Variants in CDH12 observed in about 807,000 individuals in gnomAD.
CDH12 encodes the protein cadherin-12.
Under a neutral mutation model 74.1 loss-of-function variants are expected in CDH12, and 41 were observed. That is an observed-to-expected ratio of 0.55 (90% CI 0.43 to 0.72). The LOEUF is 0.72. CDH12 is among the 30% of genes least tolerant of loss of function. The pLI, the probability that CDH12 is intolerant of heterozygous loss-of-function variation, is 0.00. For missense variants in CDH12, 945 were observed against 977.2 expected, an observed-to-expected ratio of 0.97 and a Z score of 0.44; for synonymous variants, 399 against 355.0, an observed-to-expected ratio of 1.12 and a Z score of -1.39.
At position 22,142,326 on chromosome 5, in the gene CDH12, C is replaced by A. The variant is rs185244323; in HGVS notation, c.-186-63464G>T. ...TATGAAGTAGAGGAAGGGGTACTGGCCTCATTGTCTAGGGAGGAACTGCTA... is the reference window on the plus strand; with the variant it reads ...TATGAAGTAGAGGAAGGGGTACTGGACTCATTGTCTAGGGAGGAACTGCTA... On this transcript the variant is annotated intron_variant, in intron 4 of 14. Transcript: ENST00000382254. The A allele has an allele frequency of 1.2e-3, 420 of 357,492 alleles. 4 individuals are homozygous for A. Among genetic ancestry groups the A allele is most frequent in the African/African-American group, 8.8e-3 (401 of 45,828 alleles). The allele number at this position is 357,492 out of a possible 1,614,324, so 22.1% of individuals were successfully genotyped here.
intron 1 of CDH12, among the ~76,000 whole-genome samples, chr5:22,659,703 A>G (rs944198638): frequency 6.6e-6 from 1 of 152,108 alleles, no homozygotes; most frequent in Non-Finnish European, 1.5e-5. Context: ...ACATACACAC[A>G]TATACATATA....
chr5:22,565,444 C>T (rs1739242340), intron 1 of CDH12, among the ~76,000 whole-genome samples: 1 of 152,144 alleles, frequency 6.6e-6, no homozygotes, highest in African/African-American at 2.4e-5. Flanking sequence ...ACTGAACTCT[C>T]TCTATATTTA....
Position 22,117,478 on chromosome 5 carries a change from T to TTATA in CDH12, c.-186-38620_-186-38617dup, listed in dbSNP as rs375412033. Among the ~76,000 whole-genome samples, 9 of 68,286 alleles carry TTATA rather than the reference T, an allele frequency of 1.3e-4. No homozygotes were observed. In the South Asian group the frequency reaches 1.7e-3, roughly 13 times the overall value. 44.8% of individuals were successfully genotyped at this position (68,286 alleles called of 152,430 possible). A position where few individuals can be genotyped will look rare whatever the true frequency, so the allele number is the denominator to read the frequency against. On this transcript the variant is annotated intron_variant, in intron 4 of 14. Coordinates refer to ENST00000382254, the MANE Select transcript of CDH12 (RefSeq NM_004061.5). ...ATATATTATATATATAATATATATATTATATATATATTATATATATATAAT... is the reference window on the plus strand; with the variant it reads ...ATATATTATATATATAATATATATATTATATATATATATATTATATATATATAAT...
rs1258742678 is a variant in CDH12 at position 22,809,102 on chromosome 5, T to C, written c.-523+43956A>G. Among the ~76,000 whole-genome samples the C allele has an allele frequency of 2.0e-5, 3 of 151,508 alleles. No individual in the cohort carries two copies. The East Asian group carries it at 5.8e-4, about 29-fold the overall frequency. ...TCGTTGAAGGCAAAAAAAAAAACTG[T>C]GTAATAAAATTAATTCTGATGAGCC... is the stretch of plus-strand genomic sequence containing the variant. On this transcript the variant is annotated intron_variant, in intron 1 of 14. Transcript: ENST00000382254.
intron 6 of CDH12, among the ~76,000 whole-genome samples, chr5:21,952,057 C>G (rs1163534260): frequency 2.0e-5 from 3 of 152,190 alleles, no homozygotes; most frequent in African/African-American, 7.2e-5. Context: ...ACTGTATCTT[C>G]AGGCAGTTTA....
chr5:22,363,909 C>T (rs910418861), intron 3 of CDH12, among the ~76,000 whole-genome samples: 1 of 152,202 alleles, frequency 6.6e-6, no homozygotes. Context: ...ACGTGATATT[C>T]TGCCAACAAT....
At chr5:22,218,282 A>T (rs891491561) in intron 3 of CDH12, among the ~76,000 whole-genome samples, 20 of 151,804 alleles carry the variant, frequency 1.3e-4, no homozygotes, top group African/African-American at 4.8e-4. Context: ...TTCCATTCAA[A>T]CAACTAGACA....
At chr5:22,264,476 A>G (rs563981705) in intron 3 of CDH12, among the ~76,000 whole-genome samples, 12 of 152,302 alleles carry the variant, frequency 7.9e-5, no homozygotes, top group Non-Finnish European at 1.0e-4. Flanking sequence ...TATCTTAAAC[A>G]GAGATATCAG....
At chr5:21,778,259 T>C (rs1745702216) in intron 11 of CDH12, among the ~76,000 whole-genome samples, 1 of 152,122 alleles carries the variant, frequency 6.6e-6, no homozygotes, top group Non-Finnish European at 1.5e-5. Context: ...AAAATATCTC[T>C]GAAAGTCCAT....
chr5:22,394,238 G>GA (rs1365045661), intron 3 of CDH12, among the ~76,000 whole-genome samples: 13 of 151,754 alleles, frequency 8.6e-5, no homozygotes, highest in Non-Finnish European at 1.6e-4. Flanking sequence ...TTATCCAGAG[G>GA]AAAAAAAATC....
At chr5:22,116,638 TG>T (rs1346458090) in intron 4 of CDH12, among the ~76,000 whole-genome samples, 2 of 149,976 alleles carry the variant, frequency 1.3e-5, no homozygotes, top group African/African-American at 4.9e-5. Flanking sequence ...AAGCCCCAGA[TG>T]AAAAGTGTAG....
intron 5 of CDH12, among the ~76,000 whole-genome samples, chr5:22,020,462 G>C (rs957629271): frequency 6.6e-6 from 1 of 151,940 alleles, no homozygotes; most frequent in African/African-American, 2.4e-5. Context: ...GCTGAGGCAG[G>C]GGAATCGCTT....
At chr5:21,837,184 C>T (rs1749582116) in intron 8 of CDH12, among the ~76,000 whole-genome samples, 1 of 151,914 alleles carries the variant, frequency 6.6e-6, no homozygotes, top group Non-Finnish European at 1.5e-5. Flanking sequence ...TAGTGCATGA[C>T]ACACAGTGAT....
chr5:22,279,163 A>G (rs558673587), intron 3 of CDH12, among the ~76,000 whole-genome samples: 1 of 152,268 alleles, frequency 6.6e-6, no homozygotes, highest in Admixed American at 6.5e-5. Flanking sequence ...CATCCTAACT[A>G]AAGCCTAGAA....
intron 5 of CDH12, among the ~76,000 whole-genome samples, chr5:22,048,167 T>C (rs996724384): frequency 9.9e-5 from 15 of 152,150 alleles, no homozygotes; most frequent in Admixed American, 9.8e-4. Context: ...GTCTTTTTTC[T>C]TTCTCATCAT....
At chr5:21,776,154 A>G (rs774138034) in intron 11 of CDH12, among the ~76,000 whole-genome samples, 2 of 152,158 alleles carry the variant, frequency 1.3e-5, no homozygotes, top group Non-Finnish European at 2.9e-5. Flanking sequence ...AAACTGCTCT[A>G]TGGAGATGCT....
chr5:22,838,941 T>C (rs1345071349), intron 1 of CDH12, among the ~76,000 whole-genome samples: 10 of 152,256 alleles, frequency 6.6e-5, no homozygotes, highest in African/African-American at 2.2e-4. Context: ...CCTCCCAAAG[T>C]GCTGGTATGA....
At chr5:22,492,110 T>G (rs2126641896) in intron 2 of CDH12, among the ~76,000 whole-genome samples, 1 of 152,210 alleles carries the variant, frequency 6.6e-6, no homozygotes, top group Non-Finnish European at 1.5e-5. Flanking sequence ...TTGACATTCT[T>G]GATGATCAGA....
intron 1 of CDH12, among the ~76,000 whole-genome samples, chr5:22,799,048 A>G (rs1748374677): frequency 6.6e-6 from 1 of 152,112 alleles, no homozygotes; most frequent in Non-Finnish European, 1.5e-5. Context: ...GCCTGGGAGA[A>G]AGAGGTTGAA....
Sources: allele counts gnomAD v4.1 joint callset (sites outside exome capture counted in the v4.1 genomes callset), GRCh38; gene constraint gnomAD v4.1.1; transcripts MANE v1.5; gene names NCBI Gene and HGNC (gene_info 2026-07-23, HGNC 2026-07-21).